The following ZDHHC13 variants were observed in gnomAD, a reference collection of about 807,000 sequenced individuals.
The protein encoded by ZDHHC13 is palmitoyltransferase ZDHHC13.
A neutral mutation model predicts 86.0 loss-of-function variants in ZDHHC13; 85 were observed. The ratio of observed to expected loss-of-function variants is 0.99; its 90% CI spans 0.83 to 1.18. The LOEUF (loss-of-function observed/expected upper bound fraction) is 1.18, where lower values mean the gene tolerates loss of function less well. Among genes scored for constraint, ZDHHC13 ranks in the 50% most tolerant of loss-of-function variants. The pLI, the probability that ZDHHC13 is intolerant of heterozygous loss-of-function variation, is 0.00. For missense variants in ZDHHC13, 711 were observed against 730.2 expected (o/e 0.97, Z 0.30); for synonymous variants, 263 against 246.4 (o/e 1.07, Z -0.63).
intron 4 of ZDHHC13, chr11:19,148,793 C>G (rs1201515859): frequency 6.5e-6 from 1 of 154,046 alleles, no homozygotes; most frequent in Non-Finnish European, 1.4e-5. Context: ...AATGAAACCC[C>G]ATCTCTACTA....
chr11:19,157,433 A>G (rs1467964004), intron 9 of ZDHHC13, among the ~76,000 whole-genome samples: 1 of 152,224 alleles, frequency 6.6e-6, no homozygotes, highest in African/African-American at 2.4e-5. Flanking sequence ...ATAAGAGCAA[A>G]TGAAGTATTA....
chr11:19,151,096 T>G (rs994626405), intron 6 of ZDHHC13, among the ~76,000 whole-genome samples: 4 of 152,062 alleles, frequency 2.6e-5, no homozygotes, highest in Non-Finnish European at 5.9e-5. Flanking sequence ...TTGTATTTCT[T>G]CCTTTGGCTT....
At chr11:19,140,364 AG>A (rs1328849067) in intron 1 of ZDHHC13, among the ~76,000 whole-genome samples, 2 of 152,226 alleles carry the variant, frequency 1.3e-5, no homozygotes, top group Non-Finnish European at 2.9e-5. Flanking sequence ...AACCACAATG[AG>A]ATACCATCTC....
At chr11:19,165,204 TCA>T in intron 13 of ZDHHC13, 59 bp downstream of exon 13, 1 of 1,531,508 alleles carries the variant, frequency 6.5e-7, no homozygotes, top group Non-Finnish European at 8.9e-7. Flanking sequence ...TAGTTATGAC[TCA>T]CAGAAAAAGT....
chr11:19,129,981 G>A (rs1388591203), intron 1 of ZDHHC13, among the ~76,000 whole-genome samples: 2 of 152,178 alleles, frequency 1.3e-5, no homozygotes, highest in East Asian at 1.9e-4. Context: ...CCAGCTGCTC[G>A]GGAGGCTGAG....
chr11:19,139,691 A>G (rs2133392885), intron 1 of ZDHHC13, among the ~76,000 whole-genome samples: 2 of 151,264 alleles, frequency 1.3e-5, no homozygotes, highest in Admixed American at 6.6e-5. Context: ...TAACCAAAAC[A>G]GCATGGTACT....
chr11:19,144,788 A>G (rs2133407902), intron 2 of ZDHHC13, among the ~76,000 whole-genome samples: 1 of 152,304 alleles, frequency 6.6e-6, no homozygotes, highest in East Asian at 1.9e-4. Flanking sequence ...AGTTTTAAAG[A>G]AAGTGCTAAA....
At chr11:19,138,762 C>A (rs1279156916) in intron 1 of ZDHHC13, among the ~76,000 whole-genome samples, 1 of 151,092 alleles carries the variant, frequency 6.6e-6, no homozygotes. Flanking sequence ...GTTCAATATA[C>A]GCAAATCAAT....
Position 19,117,912 on chromosome 11 carries a change from G to A in ZDHHC13, c.27+636G>A, listed in dbSNP as rs1483696762. 1 of 152,314 alleles carries A rather than the reference G, an allele frequency of 6.6e-6. No individual in the cohort carries two copies. The highest frequency in any genetic ancestry group is 1.5e-5 in the Non-Finnish European group (1 of 68,110). 9.4% of individuals were successfully genotyped at this position (152,314 alleles called of 1,614,324 possible). On this transcript the variant is annotated intron_variant, in intron 1 of 16. Coordinates refer to ENST00000446113, the MANE Select transcript of ZDHHC13 (RefSeq NM_019028.3). This position sits in a 1 kb window ranked among gnomAD's most constrained non-coding sequence, Gnocchi z 4.2. ...GCCAGACGGAGGTCCAAAGAAGCCAGGCGGGCCAGTCGGAGAAGTTACAGG... is the reference window on the plus strand; with the variant it reads ...GCCAGACGGAGGTCCAAAGAAGCCAAGCGGGCCAGTCGGAGAAGTTACAGG...
In ZDHHC13 at chr11:19,170,896, AC is replaced by A. The variant is rs1850204387; in HGVS notation, c.1632+331del. Among the ~76,000 whole-genome samples, 2 of 152,216 alleles carry A rather than the reference AC, an allele frequency of 1.3e-5. 1 individual carries two copies. The highest frequency in any genetic ancestry group is 4.1e-4 in the South Asian group (2 of 4,834). ...AAGGTAAATTGAATTGCTCAAGGTC[AC>A]CCAGTGTGTGGCAAAATCAGAACTG... On this transcript the variant is annotated intron_variant, in intron 15 of 16. Transcript: ENST00000446113.
In ZDHHC13 at chr11:19,147,596, G is replaced by A. The variant is rs1407970746; in HGVS notation, c.297G>A (p.Lys99=). ...TTTCATTTGTGTCTGCTTTTAACAG[G>A]TTTTATATTTCAAAAGGTGCTGTTG... ...AAINNRLDLV[K]FYISKGAVVD... Residue 99 remains lysine (K), a splice_region_variant and synonymous_variant, in exon 4 of 17, where the codon AAG becomes AAA. Transcript: ENST00000446113. 3.1e-6 allele frequency: 5 copies of A among 1,591,036 alleles called. No individual in the cohort carries two copies. Among genetic ancestry groups the A allele is most frequent in the Middle Eastern group, 1.7e-4 (1 of 6,030 alleles).
chr11:19,128,057 A>G (rs1196866000), intron 1 of ZDHHC13, among the ~76,000 whole-genome samples: 2 of 152,158 alleles, frequency 1.3e-5, no homozygotes, highest in African/African-American at 4.8e-5. Context: ...GGCCATTTTC[A>G]TGATATTGAT....
Position 19,166,309 on chromosome 11 carries a change from C to T in ZDHHC13, c.1398C>T (p.Gly466=). ...CLWTGRCIGF[G]NHHYYIFFLF... is the part of the protein sequence containing the mutation. ...TTTTTCTTTTTTCTTGAGGTTTTGG[C>T]AACCATCACTATTACATATTCTTCT... Residue 466 remains glycine (G), a synonymous_variant, in exon 14 of 17, where the codon GGC becomes GGT. Coordinates refer to ENST00000446113, the MANE Select transcript of ZDHHC13 (RefSeq NM_019028.3). 6.2e-7 allele frequency: 1 copy of T among 1,607,698 alleles called. No individual in the cohort carries two copies.
intron 1 of ZDHHC13, 62 bp from the exon 2 acceptor site, chr11:19,142,916 A>G (rs941498269): frequency 5.4e-6 from 8 of 1,471,050 alleles, no homozygotes; most frequent in East Asian, 2.4e-5. Context: ...CAAATGCTTC[A>G]TTATGTAATT....
chr11:19,171,867 C>T (rs1018789169), intron 15 of ZDHHC13, among the ~76,000 whole-genome samples: 4 of 151,932 alleles, frequency 2.6e-5, no homozygotes, highest in Admixed American at 1.3e-4. Context: ...TCTTCGGAAA[C>T]GTTCATTTCC....
intron 7 of ZDHHC13, 39 bp from the exon 8 acceptor site, chr11:19,152,520 A>G: frequency 6.5e-7 from 1 of 1,530,462 alleles, no homozygotes. Flanking sequence ...ATAATATATT[A>G]AAAATACTTT....
intron 3 of ZDHHC13, among the ~76,000 whole-genome samples, chr11:19,147,361 G>A (rs1376375955): frequency 2.0e-5 from 3 of 152,062 alleles, no homozygotes; most frequent in African/African-American, 7.2e-5. Context: ...AAGTTATAAT[G>A]GAATGCTAAT....
chr11:19,133,205 A>G (rs1472611004), intron 1 of ZDHHC13, among the ~76,000 whole-genome samples: 1 of 152,196 alleles, frequency 6.6e-6, no homozygotes, highest in African/African-American at 2.4e-5. Context: ...GTCTGATGAT[A>G]CCAAGTATTA....
intron 1 of ZDHHC13, among the ~76,000 whole-genome samples, chr11:19,124,969 A>G (rs576153887): frequency 1.5e-3 from 233 of 152,292 alleles, no homozygotes; most frequent in Non-Finnish European, 2.8e-3. Flanking sequence ...CTATCTAGTT[A>G]AAGCTCAAGG....
Sources: allele counts gnomAD v4.1 joint callset (sites outside exome capture counted in the v4.1 genomes callset), GRCh38; gene constraint gnomAD v4.1.1; non-coding constraint Gnocchi (gnomAD v3.1); transcripts MANE v1.5; gene names NCBI Gene and HGNC (gene_info 2026-07-23, HGNC 2026-07-21).